ANKRD7: variants seen among roughly 807,000 people sequenced by gnomAD.
ANKRD7 encodes ankyrin repeat domain-containing protein 7.
A neutral mutation model predicts 30.8 loss-of-function variants in ANKRD7; 30 were observed. The ratio of observed to expected loss-of-function variants is 0.97; its 90% CI spans 0.73 to 1.32. The LOEUF (loss-of-function observed/expected upper bound fraction) is 1.32, where lower values mean the gene tolerates loss of function less well. Ranked by LOEUF, ANKRD7 falls within the 40% of genes most tolerant of loss-of-function variation. The pLI, the probability that ANKRD7 is intolerant of heterozygous loss-of-function variation, is 0.00. For synonymous variants in ANKRD7, 97 were observed against 106.6 expected, an observed-to-expected ratio of 0.91 and a Z score of 0.55; for missense variants, 264 against 295.7, an observed-to-expected ratio of 0.89 and a Z score of 0.79.
At chr7:118,237,852 A>G (rs1401218215) in intron 5 of ANKRD7, among the ~76,000 whole-genome samples, 1 of 152,134 alleles carries the variant, frequency 6.6e-6, no homozygotes, top group Non-Finnish European at 1.5e-5. Context: ...GTTTAAGCAG[A>G]CCATATGCAT....
At chr7:118,240,722 C>G (rs1562874807) in intron 6 of ANKRD7, among the ~76,000 whole-genome samples, 1 of 151,918 alleles carries the variant, frequency 6.6e-6, no homozygotes, top group East Asian at 1.9e-4. Flanking sequence ...TGTAAAAATA[C>G]ATTAAGCACT....
At chr7:118,238,373 G>C (rs972327765) in intron 5 of ANKRD7, among the ~76,000 whole-genome samples, 1 of 152,094 alleles carries the variant, frequency 6.6e-6, no homozygotes, top group African/African-American at 2.4e-5. Flanking sequence ...TTACCTCTGG[G>C]ATGTGGAAAT....
intron 1 of ANKRD7, 86 bp downstream of exon 1, chr7:118,225,095 C>T: frequency 7.1e-7 from 1 of 1,416,680 alleles, no homozygotes; most frequent in East Asian, 2.3e-5. Flanking sequence ...GGCTGTTTGA[C>T]ACTGATTGTC....
At position 118,234,604 on chromosome 7, in the gene ANKRD7, T is replaced by C. The variant is rs866219191; in HGVS notation, c.294+59T>C. 2.6e-6 allele frequency: 4 copies of C among 1,558,158 alleles called. No homozygotes were observed. In the Middle Eastern group the frequency reaches 6.9e-4, roughly 268 times the overall value. Reference sequence around the variant, plus strand: ...TGTTTGAGTTCTCCTAGTTAATTTTTGTTGATTTTTCATGTTTTAAAACAT... The same window carrying C: ...TGTTTGAGTTCTCCTAGTTAATTTTCGTTGATTTTTCATGTTTTAAAACAT... On this transcript the variant is annotated intron_variant, in intron 2 of 6. Transcript: ENST00000265224.
In ANKRD7 at chr7:118,236,154, T is replaced by C; in HGVS notation, c.575+7T>C. Reference sequence around the variant, plus strand: ...CTTCAGATAATTATCAAAGGTATAATTAATAAATAAGATAGCACATAACTA... The same window carrying C: ...CTTCAGATAATTATCAAAGGTATAACTAATAAATAAGATAGCACATAACTA... On this transcript the variant is annotated splice_region_variant and intron_variant, in intron 4 of 6. Coordinates refer to ENST00000265224, the MANE Select transcript of ANKRD7 (RefSeq NM_019644.4). The C allele has an allele frequency of 6.6e-7, 1 of 1,519,250 alleles. No individual in the cohort carries two copies. Among genetic ancestry groups the C allele is most frequent in the South Asian group, 1.2e-5 (1 of 86,754 alleles). The allele number at this position is 1,519,250 out of a possible 1,614,324, so 94.1% of individuals were successfully genotyped here.
Position 118,242,658 on chromosome 7 carries a change from A to T in ANKRD7, c.*347A>T, listed in dbSNP as rs778865809. On this transcript the variant is annotated 3_prime_UTR_variant, in exon 7 of 7. Transcript: ENST00000265224. ...AACTGTGTTAGGCATGTATTAAAAC[A>T]TTTAAATAAAATAAAAATACATTTC... The T allele has an allele frequency of 1.4e-4, 21 of 152,308 alleles. No individual in the cohort carries two copies. The highest frequency in any genetic ancestry group is 2.9e-4 in the Non-Finnish European group (20 of 68,008). The allele number at this position is 152,308 out of a possible 1,614,324, so 9.4% of individuals were successfully genotyped here.
intron 6 of ANKRD7, among the ~76,000 whole-genome samples, chr7:118,241,890 C>G (rs1809854208): frequency 1.3e-5 from 2 of 152,128 alleles, no homozygotes; most frequent in Non-Finnish European, 2.9e-5. Context: ...CTGCACCTCT[C>G]TCTCTCTTTT....
intron 1 of ANKRD7, among the ~76,000 whole-genome samples, chr7:118,228,923 G>A (rs755573192): frequency 5.3e-5 from 8 of 152,164 alleles, no homozygotes; most frequent in Non-Finnish European, 8.8e-5. Flanking sequence ...TGTAATGTAT[G>A]TCAAATGGTA....
intron 2 of ANKRD7, 72 bp from the exon 3 acceptor site, chr7:118,234,629 T>TG: frequency 6.4e-7 from 1 of 1,557,486 alleles, no homozygotes; most frequent in South Asian, 1.2e-5. Context: ...TTTTAAAACA[T>TG]AGTATCAAAC....
chr7:118,225,004 A>T lies in ANKRD7; in HGVS notation c.174A>T (p.Lys58Asn), dbSNP rs762696922. 24 of 1,613,848 alleles carry T rather than the reference A, an allele frequency of 1.5e-5. No individual in the cohort carries two copies. The highest frequency in any genetic ancestry group is 1.9e-5 in the Non-Finnish European group (22 of 1,179,890). The stretch of plus-strand genomic sequence containing the variant: ...ATGATGTAAATATGCAGGACAAAAA[A>T]TACAGGTGACCAGACTGAAGAGCCA... ...KKYDVNMQDKKYRTPLHLACA... is the reference protein window; with the variant it reads ...KKYDVNMQDKNYRTPLHLACA... Residue 58 changes from lysine to asparagine, a missense_variant, in exon 1 of 7, where the codon AAA (lysine) becomes AAT (asparagine). Lys to Asn is a moderately conservative substitution (Grantham distance 94, BLOSUM62 0). Transcript: ENST00000265224.
chr7:118,227,793 G>C (rs1809569613), intron 1 of ANKRD7: 1 of 983,466 alleles, frequency 1.0e-6, no homozygotes, highest in South Asian at 1.9e-5. Flanking sequence ...AAATATTTTT[G>C]GGAGTTTTCA....
At chr7:118,226,071 CCTTA>C (rs1809535280) in intron 1 of ANKRD7, among the ~76,000 whole-genome samples, 2 of 152,152 alleles carry the variant, frequency 1.3e-5, no homozygotes, top group South Asian at 4.1e-4. Flanking sequence ...AAACCACTGT[CCTTA>C]CTTTGGTTAC....
At chr7:118,231,612 A>G (rs1290392755) in intron 1 of ANKRD7, among the ~76,000 whole-genome samples, 1 of 152,130 alleles carries the variant, frequency 6.6e-6, no homozygotes, top group Non-Finnish European at 1.5e-5. Context: ...GGCTACAGCT[A>G]TGCCCTGGCC....
At chr7:118,227,925 A>G in intron 1 of ANKRD7, 5 of 1,345,916 alleles carry the variant, frequency 3.7e-6, no homozygotes, top group Non-Finnish European at 4.0e-6. Flanking sequence ...TTTTTTAACA[A>G]AAACAGTGTT....
chr7:118,233,318 TGC>T (rs891768538), intron 1 of ANKRD7, among the ~76,000 whole-genome samples: 2 of 152,128 alleles, frequency 1.3e-5, no homozygotes, highest in African/African-American at 4.8e-5. Flanking sequence ...TTCCTGACTG[TGC>T]TCTCTCTTTA....
chr7:118,236,196 T>TTGTGTGTGTG lies in ANKRD7; in HGVS notation c.575+50_575+59dup, dbSNP rs746241033. 8.1e-6 allele frequency: 8 copies of TTGTGTGTGTG among 993,482 alleles called. No individual in the cohort carries two copies. The East Asian group carries it at 1.1e-4, about 14-fold the overall frequency. 61.5% of individuals were successfully genotyped at this position (993,482 alleles called of 1,614,324 possible). On this transcript the variant is annotated intron_variant, in intron 4 of 6. Transcript: ENST00000265224. ...ACATAACTAAAGCTACCTGATAGGA[T>TTGTGTGTGTG]TGTGTGTGTGCGTATGTGTGTGTGT...
chr7:118,241,893 T>A (rs947287436), intron 6 of ANKRD7, among the ~76,000 whole-genome samples: 1 of 152,112 alleles, frequency 6.6e-6, no homozygotes, highest in African/African-American at 2.4e-5. Flanking sequence ...CACCTCTCTC[T>A]CTCTTTTAAA....
rs764368048 is a variant in ANKRD7 at position 118,242,416 on chromosome 7, C to G, written c.*105C>G. ...TTGGAAAAATGTACTTTGAAAGAAC[C>G]GTTAAGTGAACTATTATAATATTTT... On this transcript the variant is annotated 3_prime_UTR_variant, in exon 7 of 7. Coordinates refer to ENST00000265224, the MANE Select transcript of ANKRD7 (RefSeq NM_019644.4). 2 of 151,746 alleles carry G rather than the reference C, an allele frequency of 1.3e-5. No homozygotes were observed. The highest frequency in any genetic ancestry group is 2.9e-5 in the Non-Finnish European group (2 of 67,930). 9.4% of individuals were successfully genotyped at this position (151,746 alleles called of 1,614,324 possible).
intron 2 of ANKRD7, 24 bp downstream of exon 2, chr7:118,234,569 A>G (rs538928353): frequency 1.3e-6 from 2 of 1,583,074 alleles, no homozygotes; most frequent in East Asian, 2.2e-5. Flanking sequence ...TTTCTTTTTC[A>G]ATTGGAATGT....
Sources: gnomAD v4.1 joint callset for allele counts (sites outside exome capture counted in the v4.1 genomes callset) on GRCh38, gnomAD v4.1.1 for gene constraint, MANE v1.5 for transcripts, NCBI Gene and HGNC (gene_info 2026-07-23, HGNC 2026-07-21) for gene names.